The following FRMD3 variants were observed in gnomAD, a reference collection of about 807,000 sequenced individuals.
FRMD3 encodes FERM domain-containing protein 3.
In FRMD3, 33 loss-of-function variants were observed where a neutral mutation model predicts 70.2. That is an observed-to-expected ratio of 0.47 (90% CI 0.36 to 0.63). The LOEUF (loss-of-function observed/expected upper bound fraction) is 0.63, where lower values mean the gene tolerates loss of function less well. FRMD3 is among the 20% of genes least tolerant of loss of function. The pLI is 0.00. For synonymous variants in FRMD3, 279 were observed against 255.9 expected, an observed-to-expected ratio of 1.09 and a Z score of -0.86; for missense variants, 632 against 711.4, an observed-to-expected ratio of 0.89 and a Z score of 1.27.
Position 83,494,835 on chromosome 9 carries a change from G to GTC in FRMD3, c.147+43249_147+43250insGA, listed in dbSNP as rs879871233. Among the ~76,000 whole-genome samples the GTC allele has an allele frequency of 3.3e-3, 477 of 143,878 alleles. 3 individuals are homozygous for GTC. In the Middle Eastern group the frequency reaches 0.04, roughly 12 times the overall value. The allele number at this position is 143,878 out of a possible 152,430, so 94.4% of individuals were successfully genotyped here. A position where few individuals can be genotyped will look rare whatever the true frequency, so the allele number is the denominator to read the frequency against. On this transcript the variant is annotated intron_variant, in intron 1 of 13. Coordinates refer to ENST00000304195, the MANE Select transcript of FRMD3 (RefSeq NM_174938.6). Reference sequence around the variant, plus strand: ...ACTGGTGTTTTTTCTGTGCATTTATGTGTGTGTGTGTGTGTGTGTGTGTGC... The same window carrying GTC: ...ACTGGTGTTTTTTCTGTGCATTTATGTCTGTGTGTGTGTGTGTGTGTGTGTGC...
At chr9:83,398,671 TA>T (rs1825870213) in intron 1 of FRMD3, among the ~76,000 whole-genome samples, 1 of 152,120 alleles carries the variant, frequency 6.6e-6, no homozygotes, top group Non-Finnish European at 1.5e-5. Context: ...ATAAAATTTT[TA>T]AAAGAAGAAA....
At chr9:83,408,751 T>A (rs1460082178) in intron 1 of FRMD3, among the ~76,000 whole-genome samples, 1 of 152,154 alleles carries the variant, frequency 6.6e-6, no homozygotes, top group African/African-American at 2.4e-5. Flanking sequence ...CTGCATCCTC[T>A]CCTTTCATCA....
At chr9:83,350,712 T>C in intron 3 of FRMD3, 1 of 963,690 alleles carries the variant, frequency 1.0e-6, no homozygotes, top group East Asian at 1.1e-4. Flanking sequence ...CTTTCTGGTT[T>C]CCCTGAAGGG....
At position 83,447,148 on chromosome 9, in the gene FRMD3, C is replaced by T. The variant is rs185555071; in HGVS notation, c.148-57440G>A. ...AAGCGATTCTCCTGCCTCAGCCTCC[C>T]GAGTAGCTGGGATTACAGGCATGCG... On this transcript the variant is annotated intron_variant, in intron 1 of 13. Coordinates refer to ENST00000304195, the MANE Select transcript of FRMD3 (RefSeq NM_174938.6). Among the ~76,000 whole-genome samples, 13 of 152,260 alleles carry T rather than the reference C, an allele frequency of 8.5e-5. No individual in the cohort carries two copies. In the East Asian group the frequency reaches 2.3e-3, roughly 27 times the overall value.
intron 1 of FRMD3, among the ~76,000 whole-genome samples, chr9:83,397,200 G>A (rs1200662221): frequency 6.6e-6 from 1 of 152,156 alleles, no homozygotes; most frequent in Non-Finnish European, 1.5e-5. Flanking sequence ...AGGTCTGGTT[G>A]GCTTCTCCTT....
intron 1 of FRMD3, among the ~76,000 whole-genome samples, chr9:83,525,096 G>T (rs1313064978): frequency 6.6e-6 from 1 of 152,088 alleles, no homozygotes; most frequent in African/African-American, 2.4e-5. Context: ...ATAATATTGT[G>T]TTTGAATTCT....
chr9:83,394,649 A>C (rs1020893050), intron 1 of FRMD3, among the ~76,000 whole-genome samples: 11 of 152,224 alleles, frequency 7.2e-5, no homozygotes, highest in African/African-American at 2.7e-4. Flanking sequence ...AGTGGACCAG[A>C]GTCAGTAGTA....
chr9:83,416,689 G>T (rs149839334), intron 1 of FRMD3, among the ~76,000 whole-genome samples: 1 of 151,552 alleles, frequency 6.6e-6, no homozygotes, highest in African/African-American at 2.4e-5. Context: ...CAGCTTTATA[G>T]TAAGTCCACT....
chr9:83,541,004 C>G (rs1829993370), upstream of FRMD3, among the ~76,000 whole-genome samples: 1 of 152,202 alleles, frequency 6.6e-6, no homozygotes, highest in African/African-American at 2.4e-5. Context: ...CCTAGTCACT[C>G]AAGCCCCCAA....
intron 2 of FRMD3, among the ~76,000 whole-genome samples, chr9:83,384,694 T>C (rs1825461369): frequency 6.6e-6 from 1 of 152,134 alleles, no homozygotes; most frequent in Non-Finnish European, 1.5e-5. Flanking sequence ...CTCTAGCATC[T>C]GGTAGACATT....
At chr9:83,496,332 T>C (rs1564104492) in intron 1 of FRMD3, among the ~76,000 whole-genome samples, 1 of 152,196 alleles carries the variant, frequency 6.6e-6, no homozygotes, top group Non-Finnish European at 1.5e-5. Flanking sequence ...TACAACCTTG[T>C]TCATCAACTG....
At chr9:83,314,904 C>T (rs1307923613) in intron 6 of FRMD3, among the ~76,000 whole-genome samples, 4 of 152,196 alleles carry the variant, frequency 2.6e-5, no homozygotes, top group Non-Finnish European at 1.5e-5. Context: ...GGTCTTGAAA[C>T]TTCTAGGTCC....
intron 4 of FRMD3, among the ~76,000 whole-genome samples, chr9:83,344,349 C>T (rs956592793): frequency 2.1e-4 from 16 of 76,466 alleles, no homozygotes; most frequent in African/African-American, 9.0e-4. Context: ...CCAGTTATCA[C>T]CTTGTGAGGT....
chr9:83,390,376 A>C (rs2131298445), intron 1 of FRMD3, among the ~76,000 whole-genome samples: 1 of 152,314 alleles, frequency 6.6e-6, no homozygotes, highest in South Asian at 2.1e-4. Context: ...TGGTAACTAA[A>C]TTCCCTGGCT....
At chr9:83,243,194 G>C (rs1339501201), downstream of FRMD3, 1 of 1,550,086 alleles carries the variant, frequency 6.5e-7, no homozygotes, top group African/African-American at 1.4e-5. Flanking sequence ...AGGTTCTGCT[G>C]GGTCTGTTTA....
intron 13 of FRMD3, among the ~76,000 whole-genome samples, chr9:83,248,880 G>C (rs533940108): frequency 6.6e-6 from 1 of 151,976 alleles, no homozygotes; most frequent in Non-Finnish European, 1.5e-5. Context: ...AATATCACCC[G>C]ATATATTATA....
chr9:83,384,764 A>G (rs1248214976), intron 2 of FRMD3, among the ~76,000 whole-genome samples: 1 of 152,214 alleles, frequency 6.6e-6, no homozygotes, highest in Non-Finnish European at 1.5e-5. Context: ...GTGGATTTCC[A>G]AAGTAAATCC....
intron 4 of FRMD3, among the ~76,000 whole-genome samples, chr9:83,347,804 G>A (rs890337031): frequency 9.9e-5 from 15 of 152,122 alleles, no homozygotes; most frequent in South Asian, 8.3e-4. Flanking sequence ...TAAGTACCTG[G>A]GGCATTCCAC....
intron 3 of FRMD3, among the ~76,000 whole-genome samples, chr9:83,362,589 G>C (rs527411630): frequency 8.5e-5 from 13 of 152,338 alleles, no homozygotes; most frequent in African/African-American, 2.9e-4. Context: ...GGCAAGAATA[G>C]GATCTTAACT....
Sources: allele counts gnomAD v4.1 joint callset (sites outside exome capture counted in the v4.1 genomes callset), GRCh38; gene constraint gnomAD v4.1.1; transcripts MANE v1.5; gene names NCBI Gene and HGNC (gene_info 2026-07-23, HGNC 2026-07-21).